EPN1: variants seen among roughly 807,000 people sequenced by gnomAD.
EPN1 encodes epsin-1.
A neutral mutation model predicts 56.9 loss-of-function variants in EPN1; 25 were observed. The observed-to-expected ratio is 0.44, with a 90% CI of 0.32 to 0.61. The LOEUF is 0.61. Ranked by LOEUF, EPN1 falls within the 20% of genes least tolerant of loss-of-function variation. The pLI is 0.05. For synonymous variants in EPN1, 411 were observed against 361.8 expected, an observed-to-expected ratio of 1.14 and a Z score of -1.54; for missense variants, 785 against 823.7, an observed-to-expected ratio of 0.95 and a Z score of 0.58.
At chr19:55,690,401 T>C (rs1050238228) in intron 6 of EPN1, among the ~76,000 whole-genome samples, 1 of 152,236 alleles carries the variant, frequency 6.6e-6, no homozygotes, top group African/African-American at 2.4e-5. Flanking sequence ...TCGCGAACAC[T>C]GTTTCTGTGG....
Position 55,707,727 on chromosome 19 carries a change from A to G in EPN1, c.*12371A>G, listed in dbSNP as rs1287840630. The G allele has an allele frequency of 1.3e-5, 2 of 154,510 alleles. No individual in the cohort carries two copies. Among genetic ancestry groups the G allele is most frequent in the Non-Finnish European group, 2.9e-5 (2 of 68,234 alleles). The allele number at this position is 154,510 out of a possible 1,614,324, so 9.6% of individuals were successfully genotyped here. A position where few individuals can be genotyped will look rare whatever the true frequency, so the allele number is the denominator to read the frequency against. On this transcript the variant is annotated 3_prime_UTR_variant, in exon 11 of 11. Transcript: ENST00000270460. ...CTTGACTGAGCATCAAATGAGGCCC[A>G]CACACAAGATTCTCACCCACATGGC...
At chr19:55,683,442 C>T (rs370436172) in intron 2 of EPN1, among the ~76,000 whole-genome samples, 51 of 152,124 alleles carry the variant, frequency 3.4e-4, no homozygotes, top group African/African-American at 1.2e-3. Flanking sequence ...ACCTCTGCCT[C>T]CCTGATCCAC....
chr19:55,709,025 C>T lies in EPN1; in HGVS notation c.*13669C>T, dbSNP rs779015854. On this transcript the variant is annotated 3_prime_UTR_variant, in exon 11 of 11. Transcript: ENST00000270460. ...ATCAGGATCTTCTGAGTTTCTTCATCAAAGCCAGATTTGTGCAGCCTGGGA... is the reference window on the plus strand; with the variant it reads ...ATCAGGATCTTCTGAGTTTCTTCATTAAAGCCAGATTTGTGCAGCCTGGGA... The T allele has an allele frequency of 6.2e-5, 97 of 1,576,062 alleles. No homozygotes were observed. The highest frequency in any genetic ancestry group is 8.0e-5 in the Non-Finnish European group (93 of 1,167,902).
intron 1 of EPN1, among the ~76,000 whole-genome samples, chr19:55,675,875 G>T (rs567624589): frequency 6.6e-6 from 1 of 152,046 alleles, no homozygotes; most frequent in East Asian, 1.9e-4. Context: ...CCCCGTCTTC[G>T]CATCTGAGTT....
chr19:55,679,314 G>T (rs1182402515), intron 2 of EPN1, among the ~76,000 whole-genome samples: 2 of 152,256 alleles, frequency 1.3e-5, no homozygotes, highest in Non-Finnish European at 2.9e-5. Context: ...TGGGGTCCAG[G>T]GGCCTTGGCA....
Position 55,694,741 on chromosome 19 carries a change from T to G in EPN1, c.1280T>G (p.Leu427Arg). ...SGSSAGELEL[L>R]AGEVPARSPG... is the part of the protein sequence containing the mutation. Reference sequence around the variant, plus strand: ...ATCCTTCCAGGAGAGCTGGAGCTGCTGGCAGGAGAGGTGCCGGCCCGAAGC... The same window carrying G: ...ATCCTTCCAGGAGAGCTGGAGCTGCGGGCAGGAGAGGTGCCGGCCCGAAGC... The change falls in exon 10 of 11, where the codon CTG (leucine) becomes CGG (arginine). Residue 427 changes from leucine to arginine, a missense_variant. Physicochemically the swap from Leu to Arg is moderately radical, Grantham distance 102. This residue lies in a region of EPN1 where 650 missense variants were observed against 605.0 expected (regional missense o/e 1.07). Transcript: ENST00000270460. The surrounding 1 kb of genome is among the most constrained non-coding windows in gnomAD (Gnocchi z 4.2). 1 of 1,576,850 alleles carries G rather than the reference T, an allele frequency of 6.3e-7. No individual in the cohort carries two copies. Among genetic ancestry groups the G allele is most frequent in the Non-Finnish European group, 8.6e-7 (1 of 1,159,782 alleles).
Position 55,689,784 on chromosome 19 carries a change from G to A in EPN1, c.679-83G>A. On this transcript the variant is annotated intron_variant, in intron 5 of 10. Transcript: ENST00000270460. This position sits in a 1 kb window ranked among gnomAD's most constrained non-coding sequence, Gnocchi z 5.7. ...AGCCGCTTTCGTTGGGGTGGGAGGG[G>A]TTGCTGGGGCTTCCAGGCTGAGGTG... The A allele has an allele frequency of 1.5e-6, 2 of 1,318,988 alleles. No homozygotes were observed. Among genetic ancestry groups the A allele is most frequent in the Non-Finnish European group, 2.1e-6 (2 of 938,526 alleles). 81.7% of individuals were successfully genotyped at this position (1,318,988 alleles called of 1,614,324 possible). A position where few individuals can be genotyped will look rare whatever the true frequency, so the allele number is the denominator to read the frequency against.
At position 55,691,380 on chromosome 19, in the gene EPN1, C is replaced by T. The variant is rs1258423903; in HGVS notation, c.763-374C>T. ...GGTGGGCAGAGGGAGGATCGAGCTG[C>T]TTCGGGTCGAGCGAGGGGAGGGCTT... On this transcript the variant is annotated intron_variant, in intron 6 of 10. Coordinates refer to ENST00000270460, the MANE Select transcript of EPN1 (RefSeq NM_001130072.2). This position sits in a 1 kb window ranked among gnomAD's most constrained non-coding sequence, Gnocchi z 5.6. Among the ~76,000 whole-genome samples the T allele has an allele frequency of 6.6e-6, 1 of 151,968 alleles. No individual in the cohort carries two copies. Among genetic ancestry groups the T allele is most frequent in the African/African-American group, 2.4e-5 (1 of 41,372 alleles).
rs1986979464 is a variant in EPN1, at chr19:55,698,097, GAGGCTGAAGA to G, written c.*2744_*2753del. The G allele has an allele frequency of 6.6e-6, 1 of 150,398 alleles. No individual in the cohort carries two copies. The allele number at this position is 150,398 out of a possible 1,614,324, so 9.3% of individuals were successfully genotyped here. ...GATCAGAGGTCACCTGGGGATGGTG[GAGGCTGAAGA>G]AGCCTATCAGATGTGAGGGTGGCGG... On this transcript the variant is annotated 3_prime_UTR_variant, in exon 11 of 11. Transcript: ENST00000270460.
rs1210955239 is a variant in EPN1 at position 55,689,651 on chromosome 19, G to A, written c.679-216G>A. Among the ~76,000 whole-genome samples the A allele has an allele frequency of 6.6e-6, 1 of 152,230 alleles. No homozygotes were observed. Among genetic ancestry groups the A allele is most frequent in the African/African-American group, 2.4e-5 (1 of 41,542 alleles). On this transcript the variant is annotated intron_variant, in intron 5 of 10. Transcript: ENST00000270460. The surrounding 1 kb of genome is among the most constrained non-coding windows in gnomAD (Gnocchi z 5.7). Reference sequence around the variant, plus strand: ...CCGAGGCGGGTGCCCGTCCTCCCCGGGTGCGCCAGCACAGCACCCCACTCC... The same window carrying A: ...CCGAGGCGGGTGCCCGTCCTCCCCGAGTGCGCCAGCACAGCACCCCACTCC...
chr19:55,677,769 C>G (rs1238393350), intron 1 of EPN1: 1 of 1,474,184 alleles, frequency 6.8e-7, no homozygotes, highest in Non-Finnish European at 9.0e-7. Flanking sequence ...TCTTTAATCC[C>G]TTCATCAGCC....
chr19:55,678,803 T>C lies in EPN1; in HGVS notation c.176T>C (p.Met59Thr). ...NVVAFSEIMS[M>T]IWKRLNDHGK... Reference sequence around the variant, plus strand: ...GTCGCCTTCTCGGAGATCATGAGCATGATCTGGAAGCGGCTCAATGACCAT... The same window carrying C: ...GTCGCCTTCTCGGAGATCATGAGCACGATCTGGAAGCGGCTCAATGACCAT... The change falls in exon 2 of 11, where the codon ATG (methionine) becomes ACG (threonine). Residue 59 changes from methionine (M) to threonine (T), a missense_variant. Coordinates refer to ENST00000270460, the MANE Select transcript of EPN1 (RefSeq NM_001130072.2). The C allele has an allele frequency of 6.2e-7, 1 of 1,614,128 alleles. No homozygotes were observed. Among genetic ancestry groups the C allele is most frequent in the Non-Finnish European group, 8.5e-7 (1 of 1,180,002 alleles).
chr19:55,709,502 G>A lies in EPN1; in HGVS notation c.*14146G>A, dbSNP rs1322782144. The stretch of plus-strand genomic sequence containing the variant: ...CATTTACAACCTGCCCATTTTCTAA[G>A]AAATAATTAAAGCACATGCTACACC... On this transcript the variant is annotated 3_prime_UTR_variant, in exon 11 of 11. Transcript: ENST00000270460. 1 of 152,390 alleles carries A rather than the reference G, an allele frequency of 6.6e-6. No homozygotes were observed. The highest frequency in any genetic ancestry group is 1.5e-5 in the Non-Finnish European group (1 of 68,296). The allele number at this position is 152,390 out of a possible 1,614,324, so 9.4% of individuals were successfully genotyped here. A position where few individuals can be genotyped will look rare whatever the true frequency, so the allele number is the denominator to read the frequency against.
Position 55,708,889 on chromosome 19 carries a change from C to G in EPN1, c.*13533C>G, listed in dbSNP as rs377227740. 6.0e-5 allele frequency: 90 copies of G among 1,499,746 alleles called. 2 individuals carry two copies. In the South Asian group the frequency reaches 1.1e-3, roughly 18 times the overall value. 92.9% of individuals were successfully genotyped at this position (1,499,746 alleles called of 1,614,324 possible). On this transcript the variant is annotated 3_prime_UTR_variant, in exon 11 of 11. Coordinates refer to ENST00000270460, the MANE Select transcript of EPN1 (RefSeq NM_001130072.2). ...GTGGCCAAGGAAAGCCTTTGTGAGA[C>G]GACTACTTCAGGGTGTTCCCCATCA...
At chr19:55,685,996 CCTT>C (rs996239459) in intron 3 of EPN1, among the ~76,000 whole-genome samples, 26 of 152,192 alleles carry the variant, frequency 1.7e-4, no homozygotes, top group African/African-American at 2.9e-4. Context: ...AGGGTGCTGT[CCTT>C]CTCTCTGCGC....
intron 1 of EPN1, chr19:55,677,818 GC>G: frequency 7.1e-7 from 1 of 1,408,656 alleles, no homozygotes. Flanking sequence ...GTGGATTCCT[GC>G]CCCCTCTGCC....
At chr19:55,685,206 C>T (rs903333171) in intron 2 of EPN1, among the ~76,000 whole-genome samples, 190 bp from the exon 3 acceptor site, 20 of 152,264 alleles carry the variant, frequency 1.3e-4, no homozygotes, top group African/African-American at 1.9e-4. Flanking sequence ...CCCGTCACAG[C>T]GTGGGTCTGT....
intron 2 of EPN1, among the ~76,000 whole-genome samples, chr19:55,683,491 A>G (rs1985964061): frequency 6.6e-6 from 1 of 152,030 alleles, no homozygotes; most frequent in African/African-American, 2.4e-5. Context: ...AGCTGGGATT[A>G]CAGGTGTGCA....
chr19:55,709,391 A>T lies in EPN1; in HGVS notation c.*14035A>T, dbSNP rs1987606356. On this transcript the variant is annotated 3_prime_UTR_variant, in exon 11 of 11. Transcript: ENST00000270460. ...TATAATGTGCTTGCTTAAAAAAAAA[A>T]AACATGAGCTTTTCTCAGAGACACT... 6.3e-6 allele frequency: 1 copy of T among 158,138 alleles called. No homozygotes were observed. The highest frequency in any genetic ancestry group is 6.5e-5 in the Admixed American group (1 of 15,360). 9.8% of individuals were successfully genotyped at this position (158,138 alleles called of 1,614,324 possible). A position where few individuals can be genotyped will look rare whatever the true frequency, so the allele number is the denominator to read the frequency against.
Sources: allele counts gnomAD v4.1 joint callset (sites outside exome capture counted in the v4.1 genomes callset), GRCh38; gene constraint gnomAD v4.1.1; regional missense constraint gnomAD v4.1.1; non-coding constraint Gnocchi (gnomAD v3.1); transcripts MANE v1.5; gene names NCBI Gene and HGNC (gene_info 2026-07-23, HGNC 2026-07-21).